The following TADA1 variants were observed in gnomAD, a reference collection of about 807,000 sequenced individuals.
TADA1 encodes the protein transcriptional adaptor 1.
TADA1 carries 23 observed loss-of-function variants against 39.3 expected under a neutral mutation model. That is an observed-to-expected ratio of 0.58 (90% CI 0.42 to 0.83). The LOEUF is 0.83. Among genes scored for constraint, TADA1 ranks in the 40% least tolerant of loss-of-function variants. The pLI, the probability that TADA1 is intolerant of heterozygous loss-of-function variation, is 0.00. For synonymous variants in TADA1, 137 were observed against 151.8 expected, an observed-to-expected ratio of 0.90 and a Z score of 0.72; for missense variants, 352 against 408.1, an observed-to-expected ratio of 0.86 and a Z score of 1.18.
chr1:166,869,872 A>G lies in TADA1; in HGVS notation c.75-18T>C. The stretch of plus-strand genomic sequence containing the variant: ...CCCAGTATCTGCAGAGGCAGAAACA[A>G]TACTAAGAACCACAGATTTGGCTGC... On this transcript the variant is annotated intron_variant, in intron 1 of 7. Transcript: ENST00000367874. 2.5e-6 allele frequency: 4 copies of G among 1,602,808 alleles called. No homozygotes were observed. The highest frequency in any genetic ancestry group is 3.4e-6 in the Non-Finnish European group (4 of 1,172,912).
intron 4 of TADA1, 137 bp downstream of exon 4, chr1:166,863,687 C>G: frequency 2.6e-6 from 2 of 769,688 alleles, no homozygotes; most frequent in Admixed American, 2.8e-5. Flanking sequence ...ATCCTTGAAA[C>G]GCTTTTCTTC....
rs1658378033 is a variant in TADA1, at chr1:166,860,294, T to G, written c.584A>C (p.Lys195Thr). 6.2e-7 allele frequency: 1 copy of G among 1,613,704 alleles called. No homozygotes were observed. Residue 195 changes from lysine (K) to threonine (T), a missense_variant, in exon 6 of 8, where the codon AAA becomes ACA. Coordinates refer to ENST00000367874, the MANE Select transcript of TADA1 (RefSeq NM_053053.4). ...ATGACCATCTCGTAACCGATAAGCTTTCCTTCTTGACACAACTGACGTCAG... is the reference window on the plus strand; with the variant it reads ...ATGACCATCTCGTAACCGATAAGCTGTCCTTCTTGACACAACTGACGTCAG... ...DILTSVVSRRKAYRLRDGHFK... is the reference protein window; with the variant it reads ...DILTSVVSRRTAYRLRDGHFK...
intron 1 of TADA1, among the ~76,000 whole-genome samples, chr1:166,874,416 A>G (rs907816412): frequency 1.3e-5 from 2 of 152,178 alleles, no homozygotes; most frequent in African/African-American, 4.8e-5. Context: ...AAAGCTGTCA[A>G]TTTTACCTAT....
chr1:166,875,832 G>A (rs1218285065), intron 1 of TADA1, among the ~76,000 whole-genome samples: 1 of 152,218 alleles, frequency 6.6e-6, no homozygotes, highest in Non-Finnish European at 1.5e-5. Context: ...TCAGCCTCCC[G>A]CATCCCGCAC....
At chr1:166,871,530 G>A (rs937198422) in intron 1 of TADA1, among the ~76,000 whole-genome samples, 2 of 152,064 alleles carry the variant, frequency 1.3e-5, no homozygotes, top group Non-Finnish European at 1.5e-5. Flanking sequence ...GTTTGTTGTT[G>A]TTGTTGTTGT....
intron 1 of TADA1, among the ~76,000 whole-genome samples, chr1:166,872,153 T>C (rs1490821439): frequency 6.6e-6 from 1 of 152,218 alleles, no homozygotes; most frequent in African/African-American, 2.4e-5. Flanking sequence ...GTTTGGATAT[T>C]TGACCAAACC....
In TADA1 at chr1:166,863,829, A is replaced by G. The variant is rs764301674; in HGVS notation, c.325T>C (p.Phe109Leu). The change falls in exon 4 of 8, where the codon TTT becomes CTT. Residue 109 changes from phenylalanine (F) to leucine (L), a missense_variant. Around this residue, in one of 3 missense-constraint regions of TADA1, gnomAD observed 285 missense variants for 310.9 expected, o/e 0.92. Coordinates refer to ENST00000367874, the MANE Select transcript of TADA1 (RefSeq NM_053053.4). ...KKKLSSVRQK[F>L]DHRFQPQNPL... Reference sequence around the variant, plus strand: ...CCTATTAAAGAACAACCTACATCAAATTTCTGACGAACAGAAGAAAGCTTT... The same window carrying G: ...CCTATTAAAGAACAACCTACATCAAGTTTCTGACGAACAGAAGAAAGCTTT... 5 of 1,612,058 alleles carry G rather than the reference A, an allele frequency of 3.1e-6. No individual in the cohort carries two copies. Among genetic ancestry groups the G allele is most frequent in the Admixed American group, 3.4e-5 (2 of 59,486 alleles).
intron 1 of TADA1, among the ~76,000 whole-genome samples, chr1:166,871,831 C>A (rs948788640): frequency 4.6e-5 from 7 of 151,604 alleles, no homozygotes; most frequent in Non-Finnish European, 1.0e-4. Context: ...TATCCAACAA[C>A]AACAAAAAAA....
At chr1:166,857,793 T>G in intron 7 of TADA1, 74 bp from the exon 8 acceptor site, 2 of 1,504,414 alleles carry the variant, frequency 1.3e-6, no homozygotes, top group Non-Finnish European at 1.8e-6. Context: ...AAAGGGTTTA[T>G]ATCAACAAAA....
chr1:166,862,297 C>A lies in TADA1; in HGVS notation c.446G>T (p.Gly149Val). Reference protein sequence around the residue: ...CSHTMMLPTRGQLEGRMIVTA... With the variant: ...CSHTMMLPTRVQLEGRMIVTA... Reference sequence around the variant, plus strand: ...CACTATCATTCTCCCTTCAAGCTGGCCTCGAGTGGGAAGCATCATTGTGTG... The same window carrying A: ...CACTATCATTCTCCCTTCAAGCTGGACTCGAGTGGGAAGCATCATTGTGTG... Residue 149 changes from glycine (G) to valine (V), a missense_variant, in exon 5 of 8, where the codon GGC becomes GTC. Transcript: ENST00000367874. The A allele has an allele frequency of 6.2e-7, 1 of 1,614,142 alleles. No homozygotes were observed. The highest frequency in any genetic ancestry group is 1.1e-5 in the South Asian group (1 of 91,076).
In TADA1 at chr1:166,876,040, C is replaced by G. The variant is rs999489940; in HGVS notation, c.74+120G>C. On this transcript the variant is annotated intron_variant, in intron 1 of 7. Transcript: ENST00000367874. ...CGGAGAAACCCCGAAGCCCCGCCGCCGCGGACTCCAGGCTGCACAGGCCCC... is the reference window on the plus strand; with the variant it reads ...CGGAGAAACCCCGAAGCCCCGCCGCGGCGGACTCCAGGCTGCACAGGCCCC... 4.0e-5 allele frequency: 38 copies of G among 959,908 alleles called. No individual in the cohort carries two copies. In the African/African-American group the frequency reaches 5.4e-4, roughly 14 times the overall value. The allele number at this position is 959,908 out of a possible 1,614,324, so 59.5% of individuals were successfully genotyped here.
At chr1:166,866,534 ATCT>A (rs1658539645) in intron 3 of TADA1, among the ~76,000 whole-genome samples, 1 of 152,158 alleles carries the variant, frequency 6.6e-6, no homozygotes, top group African/African-American at 2.4e-5. Context: ...TGTAATAGAA[ATCT>A]TCTCTTTGTT....
At chr1:166,866,457 TG>T (rs1658537324) in intron 3 of TADA1, among the ~76,000 whole-genome samples, 1 of 152,224 alleles carries the variant, frequency 6.6e-6, no homozygotes, top group East Asian at 1.9e-4. Flanking sequence ...TCATCTTTCC[TG>T]ACTAGCTTAG....
At chr1:166,864,948 A>G (rs1308130609) in intron 3 of TADA1, among the ~76,000 whole-genome samples, 1 of 152,248 alleles carries the variant, frequency 6.6e-6, no homozygotes, top group Non-Finnish European at 1.5e-5. Context: ...CCAGTTTAAC[A>G]GTAGGCTTCC....
chr1:166,867,585 ATT>A (rs761995627), intron 3 of TADA1, among the ~76,000 whole-genome samples: 33 of 141,838 alleles, frequency 2.3e-4, no homozygotes, highest in East Asian at 2.0e-4. Context: ...TCTTATGTGA[ATT>A]TTTTTTTTTT....
rs1462600579 is a variant in TADA1 at position 166,869,513 on chromosome 1, G to A, written c.167-3C>T. 5.0e-6 allele frequency: 8 copies of A among 1,613,030 alleles called. No individual in the cohort carries two copies. The South Asian group carries it at 7.7e-5, about 16-fold the overall frequency. ...GAGGAAATCATTGTGAGAATGGACT[G>A]AAAAAGGAAAGATAGTGACAATCAA... On this transcript the variant is annotated splice_region_variant and splice_polypyrimidine_tract_variant and intron_variant, in intron 2 of 7. Transcript: ENST00000367874.
chr1:166,870,889 C>T (rs1227343897), intron 1 of TADA1, among the ~76,000 whole-genome samples: 1 of 152,116 alleles, frequency 6.6e-6, no homozygotes, highest in Admixed American at 6.5e-5. Context: ...TCACTTAGCC[C>T]AAAACTATTA....
rs1342950414 is a variant in TADA1, at chr1:166,862,350, T to C, written c.393A>G (p.Gln131=). The C allele has an allele frequency of 6.2e-6, 10 of 1,614,094 alleles. No homozygotes were observed. Among genetic ancestry groups the C allele is most frequent in the Non-Finnish European group, 8.5e-6 (10 of 1,180,050 alleles). ...AACAAAGTTTCAAGTCGTCATCATC[T>C]TGGGGATCCTTTGCCACAAATTGCT... The part of the protein sequence containing the change: ...GAQQFVAKDP[Q]DDDDLKLCSH... The change falls in exon 5 of 8, where the codon CAA becomes CAG. Residue 131 remains glutamine, a synonymous_variant. Coordinates refer to ENST00000367874, the MANE Select transcript of TADA1 (RefSeq NM_053053.4).
intron 1 of TADA1, 149 bp downstream of exon 1, chr1:166,876,011 C>G: frequency 1.3e-6 from 1 of 772,958 alleles, no homozygotes; most frequent in Non-Finnish European, 1.9e-6. Flanking sequence ...CGCCCCGCCC[C>G]GGCCGGAGAA....
Sources: allele counts gnomAD v4.1 joint callset (sites outside exome capture counted in the v4.1 genomes callset), GRCh38; gene constraint gnomAD v4.1.1; regional missense constraint gnomAD v4.1.1; transcripts MANE v1.5; gene names NCBI Gene and HGNC (gene_info 2026-07-23, HGNC 2026-07-21).